PLPPR1: variants seen among roughly 807,000 people sequenced by gnomAD.
The protein encoded by PLPPR1 is phospholipid phosphatase-related protein type 1.
In PLPPR1, 10 loss-of-function variants were observed where a neutral mutation model predicts 33.1. That is an observed-to-expected ratio of 0.30 (90% CI 0.19 to 0.51). PLPPR1 has a LOEUF of 0.51. Among genes scored for constraint, PLPPR1 ranks in the 20% least tolerant of loss-of-function variants. PLPPR1 has a pLI of 0.97. For synonymous variants in PLPPR1, 151 were observed against 151.0 expected (o/e 1.00, Z 0.00); for missense variants, 304 against 408.1 (o/e 0.74, Z 2.20).
At chr9:101,236,615 T>G (rs1368235592) in intron 2 of PLPPR1, among the ~76,000 whole-genome samples, 1 of 151,516 alleles carries the variant, frequency 6.6e-6, no homozygotes, top group Non-Finnish European at 1.5e-5. Flanking sequence ...TTTTTTTCCT[T>G]TTTTAGTTAA....
intron 4 of PLPPR1, among the ~76,000 whole-genome samples, chr9:101,294,895 A>G (rs1351203249): frequency 1.3e-5 from 2 of 152,184 alleles, no homozygotes; most frequent in Non-Finnish European, 2.9e-5. Flanking sequence ...CTGGCACAAG[A>G]CAGGGATTCC....
At chr9:101,308,854 C>G (rs1828902507) in intron 4 of PLPPR1, among the ~76,000 whole-genome samples, 1 of 152,104 alleles carries the variant, frequency 6.6e-6, no homozygotes, top group Non-Finnish European at 1.5e-5. Context: ...CCAAACTACC[C>G]CCTACTCCAT....
At chr9:101,078,087 G>GAGGAGAAGGAGAAGGAGAAGGAGA (rs1398427127) in intron 1 of PLPPR1, among the ~76,000 whole-genome samples, 6,053 of 67,768 alleles carry the variant, frequency 0.089, 1,948 homozygotes, top group Non-Finnish European at 0.12. Flanking sequence ...AATGGAGGAG[G>GAGGAGAAGGAGAAGGAGAAGGAGA]AGGAGAAGGA....
intron 1 of PLPPR1, among the ~76,000 whole-genome samples, chr9:101,175,270 A>G (rs1053084669): frequency 6.6e-6 from 1 of 152,154 alleles, no homozygotes; most frequent in African/African-American, 2.4e-5. Flanking sequence ...GGCCCTAAGC[A>G]GTTTTGTGGA....
intron 3 of PLPPR1, among the ~76,000 whole-genome samples, chr9:101,282,523 C>T (rs1828323454): frequency 6.6e-6 from 1 of 152,136 alleles, no homozygotes; most frequent in African/African-American, 2.4e-5. Context: ...TAACTCTCAC[C>T]ACTTCTATTC....
At chr9:101,321,861 G>A (rs1015075346) in intron 7 of PLPPR1, among the ~76,000 whole-genome samples, 40 of 147,184 alleles carry the variant, frequency 2.7e-4, no homozygotes, top group Middle Eastern at 3.6e-3. Flanking sequence ...GGTGACCTTG[G>A]GCATATTACT....
intron 1 of PLPPR1, among the ~76,000 whole-genome samples, chr9:101,070,000 A>G (rs1449341895): frequency 6.6e-6 from 1 of 152,136 alleles, no homozygotes; most frequent in Non-Finnish European, 1.5e-5. Flanking sequence ...TCAAGAGTAC[A>G]TACTATCAAT....
chr9:101,149,396 A>G (rs1462080931), intron 1 of PLPPR1, among the ~76,000 whole-genome samples: 1 of 152,182 alleles, frequency 6.6e-6, no homozygotes, highest in Non-Finnish European at 1.5e-5. Flanking sequence ...CTTATCTATG[A>G]GGACTCCAGA....
chr9:101,114,030 C>G (rs1831090228), intron 1 of PLPPR1, among the ~76,000 whole-genome samples: 1 of 149,060 alleles, frequency 6.7e-6, no homozygotes, highest in Non-Finnish European at 1.5e-5. Context: ...AAAATAGGGA[C>G]AGTTCAGATG....
intron 2 of PLPPR1, among the ~76,000 whole-genome samples, chr9:101,229,762 G>A (rs1827144410): frequency 6.6e-6 from 1 of 152,082 alleles, no homozygotes; most frequent in African/African-American, 2.4e-5. Context: ...CCCATTTGAA[G>A]GGTCAGAGCC....
intron 7 of PLPPR1, among the ~76,000 whole-genome samples, chr9:101,321,109 T>C (rs942238306): frequency 1.4e-4 from 21 of 152,240 alleles, no homozygotes; most frequent in Admixed American, 6.5e-5. Context: ...GGCATCTTTG[T>C]AATTTTTGGA....
intron 1 of PLPPR1, among the ~76,000 whole-genome samples, chr9:101,040,545 ATCTCAGGGTCTTTGCGTTTGCT>A: frequency 6.6e-6 from 1 of 152,260 alleles, no homozygotes; most frequent in South Asian, 2.1e-4. Flanking sequence ...ACATACTTTC[ATCTCAGGGTCTTTGCGTTTGCT>A]GTTAGCTCAG....
rs1000262203 is a variant in PLPPR1 at position 101,050,140 on chromosome 9, A to G, written c.-46+21038A>G. ...TCCAACTCAGAAAAAAAAAAAAAAA[A>G]AAAAAAAAGAGTATAAGCAATTCTC... On this transcript the variant is annotated intron_variant, in intron 1 of 7. Transcript: ENST00000374874. Among the ~76,000 whole-genome samples, 148 of 151,486 alleles carry G rather than the reference A, an allele frequency of 9.8e-4. 2 individuals carry two copies. The highest frequency in any genetic ancestry group is 4.3e-3 in the Admixed American group (65 of 15,222).
At chr9:101,217,388 A>G (rs897002422) in intron 2 of PLPPR1, among the ~76,000 whole-genome samples, 5 of 152,230 alleles carry the variant, frequency 3.3e-5, no homozygotes, top group Non-Finnish European at 7.3e-5. Context: ...TAAAGGGCCA[A>G]ATTATAAATG....
At chr9:101,264,726 A>C (rs1452499960) in intron 2 of PLPPR1, among the ~76,000 whole-genome samples, 3 of 152,118 alleles carry the variant, frequency 2.0e-5, no homozygotes, top group African/African-American at 7.2e-5. Context: ...GGGGACAGAT[A>C]TATTGTCTCT....
In PLPPR1 at chr9:101,191,105, G is replaced by A. The variant is rs76044065; in HGVS notation, c.63+5548G>A. 2.9e-3 allele frequency among the ~76,000 whole-genome samples: 435 copies of A among 152,158 alleles called. 4 individuals carry two copies. Among genetic ancestry groups the A allele is most frequent in the South Asian group, 8.7e-3 (42 of 4,808 alleles). On this transcript the variant is annotated intron_variant, in intron 2 of 7. Transcript: ENST00000374874. ...TTTCTATCACTTTTCAGACAGAATC[G>A]CTAAAATTTCAAGGTAGTCCACAAT...
intron 1 of PLPPR1, among the ~76,000 whole-genome samples, chr9:101,154,046 C>A (rs1018362631): frequency 1.3e-5 from 2 of 152,058 alleles, no homozygotes; most frequent in African/African-American, 4.8e-5. Flanking sequence ...AGCTTTGCAT[C>A]CCTGGGATGA....
chr9:101,169,611 A>C (rs572946256), intron 1 of PLPPR1, among the ~76,000 whole-genome samples: 1 of 152,242 alleles, frequency 6.6e-6, no homozygotes, highest in Non-Finnish European at 1.5e-5. Flanking sequence ...TTGTCTTAAA[A>C]AGACTAGTCT....
intron 1 of PLPPR1, among the ~76,000 whole-genome samples, chr9:101,059,669 A>G (rs1361801635): frequency 6.6e-6 from 1 of 152,112 alleles, no homozygotes; most frequent in African/African-American, 2.4e-5. Context: ...CTGAATAAAC[A>G]TTTTTCAAAG....
Sources: gnomAD v4.1 joint callset for allele counts (sites outside exome capture counted in the v4.1 genomes callset) on GRCh38, gnomAD v4.1.1 for gene constraint, MANE v1.5 for transcripts, NCBI Gene and HGNC (gene_info 2026-07-23, HGNC 2026-07-21) for gene names.